SLC1A3: variants seen among roughly 807,000 people sequenced by gnomAD.
SLC1A3 encodes the protein excitatory amino acid transporter 1.
In SLC1A3, 21 loss-of-function variants were observed where a neutral mutation model predicts 48.1. The ratio of observed to expected loss-of-function variants is 0.44; its 90% CI spans 0.31 to 0.63. SLC1A3 has a LOEUF of 0.63. Among genes scored for constraint, SLC1A3 ranks in the 20% least tolerant of loss-of-function variants. The pLI is 0.08. For synonymous variants in SLC1A3, 239 were observed against 251.4 expected (o/e 0.95, Z 0.47); for missense variants, 546 against 689.0 (o/e 0.79, Z 2.32).
intron 3 of SLC1A3, chr5:36,669,160 T>C (rs1288831755): frequency 6.6e-6 from 1 of 152,220 alleles, no homozygotes; most frequent in Non-Finnish European, 1.5e-5. Context: ...TTGCAGGCTT[T>C]GGTGGTGACA....
At chr5:36,622,967 G>A (rs969673876) in intron 2 of SLC1A3, among the ~76,000 whole-genome samples, 1 of 141,634 alleles carries the variant, frequency 7.1e-6, no homozygotes, top group African/African-American at 2.7e-5. Context: ...AGCCGAGATC[G>A]CACCACTGCA....
intron 6 of SLC1A3, among the ~76,000 whole-genome samples, chr5:36,678,626 A>G (rs1049043140): frequency 3.3e-5 from 5 of 152,292 alleles, no homozygotes; most frequent in African/African-American, 1.2e-4. Context: ...CTTAAGTGTG[A>G]TTGGCTTCTC....
intron 3 of SLC1A3, among the ~76,000 whole-genome samples, chr5:36,644,110 T>C (rs1336764630): frequency 1.3e-5 from 2 of 152,138 alleles, no homozygotes; most frequent in East Asian, 1.9e-4. Context: ...TATATTATTA[T>C]GTACTTTTGA....
At chr5:36,597,533 C>T (rs1037227017) in intron 1 of SLC1A3, among the ~76,000 whole-genome samples, 6 of 152,090 alleles carry the variant, frequency 3.9e-5, no homozygotes, top group Non-Finnish European at 8.8e-5. Context: ...TGAGCCACCG[C>T]GCCCGGCCCA....
At chr5:36,670,440 T>G (rs1334909055) in intron 3 of SLC1A3, among the ~76,000 whole-genome samples, 2 of 152,190 alleles carry the variant, frequency 1.3e-5, no homozygotes, top group Non-Finnish European at 2.9e-5. Context: ...ATGTCTACTT[T>G]AAATGCAAAT....
At position 36,680,432 on chromosome 5, in the gene SLC1A3, G is replaced by C. The variant is rs927051271; in HGVS notation, c.1132G>C (p.Glu378Gln). The change falls in exon 8 of 10, where the codon GAG (glutamate) becomes CAG (glutamine). Residue 378 changes from glutamate to glutamine, a missense_variant. By Grantham distance (29) the Glu-to-Gln change is conservative. Coordinates refer to ENST00000265113, the MANE Select transcript of SLC1A3 (RefSeq NM_004172.5). ...ACCCATCACCTTCAAGTGCCTGGAA[G>C]AGAACAATGGCGTGGACAAGCGCGT... Reference protein sequence around the residue: ...TLPITFKCLEENNGVDKRVTR... With the variant: ...TLPITFKCLEQNNGVDKRVTR... 2 of 1,614,092 alleles carry C rather than the reference G, an allele frequency of 1.2e-6. No homozygotes were observed. Among genetic ancestry groups the C allele is most frequent in the African/African-American group, 2.7e-5 (2 of 74,932 alleles).
At chr5:36,674,899 T>A (rs1373608062) in intron 5 of SLC1A3, among the ~76,000 whole-genome samples, 1 of 152,214 alleles carries the variant, frequency 6.6e-6, no homozygotes, top group Non-Finnish European at 1.5e-5. Flanking sequence ...AACTCTTGGC[T>A]CTGTGTTGCA....
intron 2 of SLC1A3, among the ~76,000 whole-genome samples, chr5:36,623,477 T>TTGGGAC (rs1006984080): frequency 1.3e-5 from 2 of 152,078 alleles, no homozygotes; most frequent in African/African-American, 4.8e-5. Context: ...TTTGTCAGCT[T>TTGGGAC]TGGGACTATC....
At chr5:36,675,502 A>G (rs934210393) in intron 5 of SLC1A3, among the ~76,000 whole-genome samples, 1 of 152,188 alleles carries the variant, frequency 6.6e-6, no homozygotes, top group Non-Finnish European at 1.5e-5. Flanking sequence ...TTTTGAAGGG[A>G]AAGAAAATGT....
chr5:36,599,109 C>CTCA (rs1340802044), intron 1 of SLC1A3, among the ~76,000 whole-genome samples: 2 of 152,184 alleles, frequency 1.3e-5, no homozygotes, highest in African/African-American at 4.8e-5. Context: ...TATTCAAGTG[C>CTCA]TCAATGGTTA....
At chr5:36,645,976 A>G (rs2111827346) in intron 3 of SLC1A3, among the ~76,000 whole-genome samples, 1 of 152,348 alleles carries the variant, frequency 6.6e-6, no homozygotes, top group Middle Eastern at 3.4e-3. Context: ...AACTTCTTGC[A>G]TTGATATTGA....
intron 3 of SLC1A3, among the ~76,000 whole-genome samples, chr5:36,661,071 T>TTAAA (rs1168503422): frequency 3.9e-5 from 6 of 152,220 alleles, no homozygotes; most frequent in Admixed American, 3.3e-4. Flanking sequence ...CCTGAATTTT[T>TTAAA]TAAATGTATT....
rs114388340 is a variant in SLC1A3, at chr5:36,685,565, G to A, written c.1425-500G>A. On this transcript the variant is annotated intron_variant, in intron 9 of 9. Coordinates refer to ENST00000265113, the MANE Select transcript of SLC1A3 (RefSeq NM_004172.5). Reference sequence around the variant, plus strand: ...TGCTGAGATTACAGGTGTGAGCCACGGTGCCCGGCCTCGACCCCAATATTT... The same window carrying A: ...TGCTGAGATTACAGGTGTGAGCCACAGTGCCCGGCCTCGACCCCAATATTT... 1.0e-2 allele frequency among the ~76,000 whole-genome samples: 1,518 copies of A among 152,254 alleles called. 32 individuals carry two copies. Among genetic ancestry groups the A allele is most frequent in the African/African-American group, 0.035 (1,440 of 41,532 alleles).
At chr5:36,670,980 A>T (rs1256720888) in intron 3 of SLC1A3, 49 bp from the exon 4 acceptor site, 1 of 1,515,856 alleles carries the variant, frequency 6.6e-7, no homozygotes, top group Non-Finnish European at 9.2e-7. Flanking sequence ...TTTCCACTGG[A>T]GAATTCCCTG....
intron 3 of SLC1A3, chr5:36,630,122 C>G (rs1265221490): frequency 1.3e-5 from 2 of 157,726 alleles, no homozygotes; most frequent in Non-Finnish European, 2.8e-5. Flanking sequence ...ATTTCATTTC[C>G]TTCTCCAGTT....
At chr5:36,634,481 C>A (rs1023061000) in intron 3 of SLC1A3, among the ~76,000 whole-genome samples, 6 of 152,160 alleles carry the variant, frequency 3.9e-5, no homozygotes, top group Non-Finnish European at 8.8e-5. Context: ...GAACACCTAT[C>A]CCACTTTGGA....
chr5:36,654,716 C>A (rs901157560), intron 3 of SLC1A3, among the ~76,000 whole-genome samples: 3 of 152,180 alleles, frequency 2.0e-5, no homozygotes, highest in Non-Finnish European at 4.4e-5. Context: ...CTGCGTCATG[C>A]AGGGCTGCTA....
chr5:36,659,710 T>C (rs1741429325), intron 3 of SLC1A3, among the ~76,000 whole-genome samples: 1 of 152,226 alleles, frequency 6.6e-6, no homozygotes, highest in Non-Finnish European at 1.5e-5. Context: ...GTTTTATTTG[T>C]TTAGGCCAGT....
At chr5:36,632,172 C>A (rs1740159565) in intron 3 of SLC1A3, among the ~76,000 whole-genome samples, 1 of 152,202 alleles carries the variant, frequency 6.6e-6, no homozygotes, top group African/African-American at 2.4e-5. Context: ...TGGCAAAAGG[C>A]AGGCAAAGAG....
Sources: allele counts gnomAD v4.1 joint callset (sites outside exome capture counted in the v4.1 genomes callset), GRCh38; gene constraint gnomAD v4.1.1; transcripts MANE v1.5; gene names NCBI Gene and HGNC (gene_info 2026-07-23, HGNC 2026-07-21).